Variants in STK3 observed in about 807,000 individuals in gnomAD.
STK3 encodes the protein serine/threonine kinase 3, also known as serine/threonine-protein kinase 3.
Under a neutral mutation model 58.0 loss-of-function variants are expected in STK3, and 41 were observed. The ratio of observed to expected loss-of-function variants is 0.71; its 90% CI spans 0.55 to 0.92. The LOEUF (loss-of-function observed/expected upper bound fraction) is 0.92, where lower values mean the gene tolerates loss of function less well. Ranked by LOEUF, STK3 falls within the 40% of genes least tolerant of loss-of-function variation. The probability of loss-of-function intolerance (pLI) is 0.00; values close to 1 mark genes in which losing one functional copy is unlikely to be tolerated. For missense variants in STK3, 479 were observed against 602.7 expected (o/e 0.79, Z 2.15); for synonymous variants, 170 against 191.0 (o/e 0.89, Z 0.91).
chr8:98,678,544 TA>T (rs1279889345), intron 6 of STK3, among the ~76,000 whole-genome samples: 4 of 152,140 alleles, frequency 2.6e-5, no homozygotes, highest in African/African-American at 4.8e-5. Context: ...AGTTTTATCA[TA>T]AAAACAGAAT....
chr8:98,387,475 G>A (rs189960260), intron 1 of STK3, among the ~76,000 whole-genome samples: 142 of 152,292 alleles, frequency 9.3e-4, no homozygotes, highest in Non-Finnish European at 1.6e-3. Context: ...GACACTGGGC[G>A]TGGTGGCTTA....
In STK3 at chr8:98,911,250, A is replaced by G. The variant is rs1839119854; in HGVS notation, c.-78-27416T>C. On this transcript the variant is annotated intron_variant, in intron 1 of 1. Transcript: ENST00000519420. Reference sequence around the variant, plus strand: ...AATTTAAAAAGCTCTTTATGTATAGATAAATTAGGTAGACCACAACTAATT... The same window carrying G: ...AATTTAAAAAGCTCTTTATGTATAGGTAAATTAGGTAGACCACAACTAATT... Among the ~76,000 whole-genome samples, 3 of 152,224 alleles carry G rather than the reference A, an allele frequency of 2.0e-5. No homozygotes were observed. The South Asian group carries it at 6.2e-4, about 32-fold the overall frequency.
At chr8:98,929,702 G>A (rs192171331) in intron 1 of STK3, among the ~76,000 whole-genome samples, 2 of 152,176 alleles carry the variant, frequency 1.3e-5, no homozygotes, top group Admixed American at 1.3e-4. Context: ...ATTAAATTGT[G>A]CCAGCCTCTT....
chr8:98,695,338 C>T (rs1195752710), intron 6 of STK3, among the ~76,000 whole-genome samples: 4 of 152,124 alleles, frequency 2.6e-5, no homozygotes, highest in Admixed American at 2.0e-4. Flanking sequence ...TGTGCAGAAG[C>T]TCTTTAGTTT....
At chr8:98,350,977 T>C in the STK3 span, among the ~76,000 whole-genome samples, 2 of 151,992 alleles carry the variant, frequency 1.3e-5, no homozygotes, top group Non-Finnish European at 2.9e-5. Flanking sequence ...AAAAAAAGAG[T>C]ACGTGGCATG....
intron 1 of STK3, among the ~76,000 whole-genome samples, chr8:98,886,620 G>A (rs1020866624): frequency 5.3e-5 from 8 of 152,212 alleles, no homozygotes; most frequent in East Asian, 1.9e-4. Context: ...TTTCAACATC[G>A]TTATACTACT....
chr8:98,657,282 C>A (rs1007625823), intron 6 of STK3, among the ~76,000 whole-genome samples: 1 of 151,950 alleles, frequency 6.6e-6, no homozygotes, highest in Non-Finnish European at 1.5e-5. Context: ...AACAACCCTT[C>A]GAGATAGTTA....
At chr8:98,600,793 G>T (rs1321075200) in intron 6 of STK3, among the ~76,000 whole-genome samples, 1 of 152,100 alleles carries the variant, frequency 6.6e-6, no homozygotes, top group Non-Finnish European at 1.5e-5. Context: ...GTAACATATT[G>T]CCATAAAAAC....
intron 1 of STK3, among the ~76,000 whole-genome samples, chr8:98,383,406 T>C (rs116457016): frequency 0.015 from 2,325 of 152,264 alleles, 57 homozygotes; most frequent in African/African-American, 0.051. Context: ...ATGAGAGACA[T>C]GGAACAGGCA....
At chr8:98,454,617 A>G (rs1240862554), downstream of STK3, 2 of 152,584 alleles carry the variant, frequency 1.3e-5, no homozygotes, top group African/African-American at 4.8e-5. Context: ...TTTAACAAAG[A>G]TACAGAAACG....
At chr8:98,838,962 C>T (rs1587731269) in intron 3 of STK3, among the ~76,000 whole-genome samples, 2 of 148,736 alleles carry the variant, frequency 1.3e-5, no homozygotes, top group African/African-American at 2.5e-5. Flanking sequence ...TAACCTTCTT[C>T]TTTGTTTTTG....
chr8:98,425,749 C>A (rs758049846), intron 3 of STK3, among the ~76,000 whole-genome samples: 2 of 152,224 alleles, frequency 1.3e-5, no homozygotes, highest in Non-Finnish European at 2.9e-5. Flanking sequence ...CAGAGCTACA[C>A]AGAGCACCTT....
At chr8:98,536,968 T>TA (rs975042680) in intron 9 of STK3, among the ~76,000 whole-genome samples, 1 of 152,154 alleles carries the variant, frequency 6.6e-6, no homozygotes, top group Non-Finnish European at 1.5e-5. Context: ...CAGGCTGACC[T>TA]AAAAAACCTA....
At chr8:98,366,529 T>C (rs112052141), downstream of STK3, among the ~76,000 whole-genome samples, 3,127 of 152,320 alleles carry the variant, frequency 0.021, 75 homozygotes, top group Non-Finnish European at 0.028. Flanking sequence ...TTAATTGTGG[T>C]GTGAGGTAGG....
chr8:98,803,138 G>A (rs1833671736), intron 1 of STK3, among the ~76,000 whole-genome samples: 1 of 152,114 alleles, frequency 6.6e-6, no homozygotes, highest in South Asian at 2.1e-4. Flanking sequence ...GTTATTGGGG[G>A]AAAACCTTTA....
chr8:98,731,042 T>G (rs574515874), intron 4 of STK3, among the ~76,000 whole-genome samples: 6 of 152,282 alleles, frequency 3.9e-5, no homozygotes, highest in African/African-American at 1.4e-4. Flanking sequence ...ACATACATAT[T>G]CAACGACAGG....
At chr8:98,646,365 T>A (rs1022994225) in intron 6 of STK3, among the ~76,000 whole-genome samples, 7 of 152,246 alleles carry the variant, frequency 4.6e-5, no homozygotes, top group Non-Finnish European at 8.8e-5. Flanking sequence ...TATCTTAATA[T>A]TTGTAATATT....
chr8:98,565,213 G>T (rs1812377833), intron 8 of STK3, among the ~76,000 whole-genome samples: 1 of 152,060 alleles, frequency 6.6e-6, no homozygotes, highest in Admixed American at 6.6e-5. Flanking sequence ...TGATGCCTAG[G>T]CCCTAGCCTA....
downstream of STK3, among the ~76,000 whole-genome samples, chr8:98,450,203 GA>G (rs1819138877): frequency 6.6e-6 from 1 of 152,162 alleles, no homozygotes; most frequent in African/African-American, 2.4e-5. Context: ...AGGCCCTTAC[GA>G]GAAGGCCTAA....
Sources: gnomAD v4.1 joint callset for allele counts (sites outside exome capture counted in the v4.1 genomes callset) on GRCh38, gnomAD v4.1.1 for gene constraint, MANE v1.5 for transcripts, NCBI Gene and HGNC (gene_info 2026-07-23, HGNC 2026-07-21) for gene names.